Variants in CALD1 observed in about 807,000 individuals in gnomAD.
The protein encoded by CALD1 is caldesmon.
A neutral mutation model predicts 99.9 loss-of-function variants in CALD1; 33 were observed. The observed-to-expected ratio is 0.33, with a 90% CI of 0.25 to 0.44. CALD1 has a LOEUF of 0.44. Ranked by LOEUF, CALD1 falls within the 20% of genes least tolerant of loss-of-function variation. The pLI is 1.00. For missense variants in CALD1, 861 were observed against 962.1 expected (o/e 0.89, Z 1.39); for synonymous variants, 310 against 325.0 (o/e 0.95, Z 0.50).
At chr7:134,778,562 T>A (rs938402328), upstream of CALD1, among the ~76,000 whole-genome samples, 7 of 152,222 alleles carry the variant, frequency 4.6e-5, no homozygotes, top group Admixed American at 3.9e-4. Flanking sequence ...TTTAATTAAG[T>A]ACTAATTGAG....
At chr7:134,867,921 C>A in intron 3 of CALD1, 117 bp downstream of exon 3, 4 of 473,590 alleles carry the variant, frequency 8.4e-6, no homozygotes, top group South Asian at 5.4e-5. Context: ...AAACTGTTCG[C>A]AAAAGTAGTT....
At chr7:134,917,353 T>G (rs745937841) in intron 3 of CALD1, among the ~76,000 whole-genome samples, 1 of 152,078 alleles carries the variant, frequency 6.6e-6, no homozygotes, top group South Asian at 2.1e-4. Context: ...TTAAAAAAAA[T>G]TTTTATTTTT....
intron 1 of CALD1, among the ~76,000 whole-genome samples, chr7:134,824,047 AG>A (rs111494782): frequency 0.01 from 1,540 of 152,360 alleles, 22 homozygotes; most frequent in African/African-American, 0.035. Flanking sequence ...GTAGAAGATT[AG>A]GAGTGCCATT....
At chr7:134,782,243 T>C (rs1797134240) in intron 1 of CALD1, among the ~76,000 whole-genome samples, 1 of 152,160 alleles carries the variant, frequency 6.6e-6, no homozygotes, top group Non-Finnish European at 1.5e-5. Context: ...GTCTCAGAAA[T>C]GTGGTCGGGG....
At chr7:134,762,356 G>T (rs574539823) in intron 1 of CALD1, among the ~76,000 whole-genome samples, 35 of 152,294 alleles carry the variant, frequency 2.3e-4, no homozygotes, top group Non-Finnish European at 4.4e-4. Flanking sequence ...TGGTCTCTTT[G>T]AACTTGGGCA....
intron 1 of CALD1, among the ~76,000 whole-genome samples, chr7:134,784,681 A>G (rs1797239411): frequency 6.6e-6 from 1 of 152,202 alleles, no homozygotes; most frequent in Non-Finnish European, 1.5e-5. Flanking sequence ...CCAGGATTGT[A>G]AGACACAGAT....
rs796978945 is a variant in CALD1 at position 134,773,828 on chromosome 7, T to G, written c.-130+29465T>G. 5.2e-3 allele frequency among the ~76,000 whole-genome samples: 652 copies of G among 125,410 alleles called. 6 individuals carry two copies. The highest frequency in any genetic ancestry group is 0.019 in the African/African-American group (613 of 31,630). The allele number at this position is 125,410 out of a possible 152,430, so 82.3% of individuals were successfully genotyped here. A position where few individuals can be genotyped will look rare whatever the true frequency, so the allele number is the denominator to read the frequency against. ...TGTGTGTGTGTGTGTGTGTGTGTGT[T>G]TCTGTTGTTTGTTATAATCTCTCTT... is the stretch of plus-strand genomic sequence containing the variant. On this transcript the variant is annotated intron_variant, in intron 1 of 13. Coordinates refer to the CALD1 transcript ENST00000417172.
At chr7:134,965,131 A>T (rs1202134341) in intron 13 of CALD1, 175 bp from the exon 14 acceptor site, 1 of 541,486 alleles carries the variant, frequency 1.8e-6, no homozygotes, top group Non-Finnish European at 3.3e-6. Flanking sequence ...AAATAAAAAA[A>T]TAAAAAAATC....
chr7:134,880,301 C>T (rs1221679019), intron 3 of CALD1, among the ~76,000 whole-genome samples: 4 of 152,228 alleles, frequency 2.6e-5, no homozygotes, highest in Admixed American at 6.5e-5. Context: ...AGTAGCACTA[C>T]TGTGCCCGCT....
chr7:134,917,496 G>C (rs577779822), intron 3 of CALD1, among the ~76,000 whole-genome samples: 1 of 152,052 alleles, frequency 6.6e-6, no homozygotes, highest in Admixed American at 6.6e-5. Flanking sequence ...TTACAGGTGC[G>C]CACCACCACG....
chr7:134,791,299 C>T (rs766166049), intron 1 of CALD1, among the ~76,000 whole-genome samples: 37 of 152,178 alleles, frequency 2.4e-4, no homozygotes, highest in Non-Finnish European at 1.2e-4. Context: ...TGGGTTCAAG[C>T]GATTCTTTCA....
intron 1 of CALD1, among the ~76,000 whole-genome samples, chr7:134,781,571 A>G (rs1028438936): frequency 2.7e-5 from 4 of 150,428 alleles, no homozygotes; most frequent in Non-Finnish European, 5.9e-5. Flanking sequence ...TACCTAGAAC[A>G]CATTTCCCCA....
chr7:134,817,716 T>C (rs1250878313), intron 1 of CALD1, among the ~76,000 whole-genome samples: 1 of 152,064 alleles, frequency 6.6e-6, no homozygotes, highest in Non-Finnish European at 1.5e-5. Flanking sequence ...GAGAAAAAAA[T>C]CATCTGGGAA....
At position 134,815,197 on chromosome 7, in the gene CALD1, G is replaced by A. The variant is rs183661344; in HGVS notation, c.-129-28687G>A. Among the ~76,000 whole-genome samples, 8 of 152,292 alleles carry A rather than the reference G, an allele frequency of 5.3e-5. No individual in the cohort carries two copies. The East Asian group carries it at 1.5e-3, about 29-fold the overall frequency. ...GCAACTCTAGCTGGCCTTTGGGGAT[G>A]AAGTGGGTTAGAACCCAACACACAC... On this transcript the variant is annotated intron_variant, in intron 1 of 14. Transcript: ENST00000361675.
At chr7:134,852,893 A>C (rs1415988198) in intron 2 of CALD1, among the ~76,000 whole-genome samples, 1 of 152,200 alleles carries the variant, frequency 6.6e-6, no homozygotes, top group Non-Finnish European at 1.5e-5. Context: ...CTCAAAGTGG[A>C]AAAGCTGGTT....
intron 3 of CALD1, among the ~76,000 whole-genome samples, chr7:134,873,615 A>G (rs1181681917): frequency 6.6e-6 from 1 of 152,236 alleles, no homozygotes; most frequent in African/African-American, 2.4e-5. Flanking sequence ...TGAATGAGGC[A>G]ACCCCAAGAC....
chr7:134,808,439 C>T (rs933947614), intron 1 of CALD1, among the ~76,000 whole-genome samples: 1 of 152,158 alleles, frequency 6.6e-6, no homozygotes, highest in African/African-American at 2.4e-5. Context: ...CTGACAAGTG[C>T]TTTTGCACTT....
intron 1 of CALD1, among the ~76,000 whole-genome samples, chr7:134,751,949 C>G (rs1338846217): frequency 6.6e-6 from 1 of 152,140 alleles, no homozygotes; most frequent in African/African-American, 2.4e-5. Flanking sequence ...GCACTCCAGC[C>G]TGGGTGACAG....
intron 1 of CALD1, among the ~76,000 whole-genome samples, chr7:134,773,828 T>TG (rs1562993231): frequency 1.9e-4 from 24 of 125,428 alleles, no homozygotes; most frequent in African/African-American, 7.3e-4. Flanking sequence ...GTGTGTGTGT[T>TG]TCTGTTGTTT....
Sources: gnomAD v4.1 joint callset for allele counts (sites outside exome capture counted in the v4.1 genomes callset) on GRCh38, gnomAD v4.1.1 for gene constraint, MANE v1.5 for transcripts, NCBI Gene and HGNC (gene_info 2026-07-23, HGNC 2026-07-21) for gene names.